The following SRGAP1 variants were observed in gnomAD, a reference collection of about 807,000 sequenced individuals.
The protein encoded by SRGAP1 is SLIT-ROBO Rho GTPase activating protein 1.
In SRGAP1, 43 loss-of-function variants were observed where a neutral mutation model predicts 121.9. That is an observed-to-expected ratio of 0.35 (90% CI 0.28 to 0.46). The LOEUF (loss-of-function observed/expected upper bound fraction) is 0.46. Among genes scored for constraint, SRGAP1 ranks in the 20% least tolerant of loss-of-function variants. SRGAP1 has a pLI of 1.00. For synonymous variants in SRGAP1, 447 were observed against 485.4 expected (o/e 0.92, Z 1.04); for missense variants, 1,102 against 1,350.9 (o/e 0.82, Z 2.89).
chr12:63,943,752 G>T (rs73115817), intron 1 of SRGAP1, among the ~76,000 whole-genome samples: 4,506 of 152,212 alleles, frequency 0.03, 109 homozygotes, highest in Middle Eastern at 0.12. Context: ...GGGCCATGGG[G>T]TATACAGATC....
chr12:64,079,405 G>A (rs1000495357), intron 9 of SRGAP1, among the ~76,000 whole-genome samples: 1 of 151,572 alleles, frequency 6.6e-6, no homozygotes, highest in Non-Finnish European at 1.5e-5. Context: ...GAGGTGGGAG[G>A]ATCATTTGAG....
At chr12:63,945,542 T>C (rs1431177331) in intron 1 of SRGAP1, among the ~76,000 whole-genome samples, 2 of 152,218 alleles carry the variant, frequency 1.3e-5, no homozygotes, top group African/African-American at 2.4e-5. Context: ...GTACTCTTAC[T>C]GCTCCACATC....
In SRGAP1 at chr12:64,087,345, T is replaced by C. The variant is rs569493112; in HGVS notation, c.1436+319T>C. ...TAGCGTGACAGGACTTTTGATTTGATAGTTTAATTAAAAAAAAAATACGAC... is the reference window on the plus strand; with the variant it reads ...TAGCGTGACAGGACTTTTGATTTGACAGTTTAATTAAAAAAAAAATACGAC... On this transcript the variant is annotated intron_variant, in intron 11 of 21. Transcript: ENST00000355086. Among the ~76,000 whole-genome samples the C allele has an allele frequency of 3.3e-5, 5 of 152,204 alleles. No homozygotes were observed. In the South Asian group the frequency reaches 8.3e-4, roughly 25 times the overall value.
chr12:63,894,995 T>C (rs113984810), intron 1 of SRGAP1, among the ~76,000 whole-genome samples: 2 of 152,192 alleles, frequency 1.3e-5, no homozygotes, highest in East Asian at 3.8e-4. Context: ...CTATACCCAG[T>C]GATGGGATGG....
At chr12:63,982,241 A>G (rs1420910717) in intron 1 of SRGAP1, among the ~76,000 whole-genome samples, 1 of 151,750 alleles carries the variant, frequency 6.6e-6, no homozygotes, top group Non-Finnish European at 1.5e-5. Flanking sequence ...AACAAAAAAA[A>G]GAAAGAAAAA....
intron 1 of SRGAP1, among the ~76,000 whole-genome samples, chr12:63,954,997 T>C (rs2032419335): frequency 6.6e-6 from 1 of 152,192 alleles, no homozygotes; most frequent in Non-Finnish European, 1.5e-5. Flanking sequence ...TTTGAAGCCT[T>C]TTAAATTTAT....
rs73313488 is a variant in SRGAP1 at position 63,851,515 on chromosome 12, A to G, written c.67+6632A>G. 4.8e-3 allele frequency among the ~76,000 whole-genome samples: 737 copies of G among 152,200 alleles called. 11 individuals are homozygous for G. The highest frequency in any genetic ancestry group is 0.017 in the African/African-American group (705 of 41,526). Reference sequence around the variant, plus strand: ...GTCACTGATTAGTTGTGTGATCTCTAAGAGTCAATTTCTTCATCTGTAAAA... The same window carrying G: ...GTCACTGATTAGTTGTGTGATCTCTGAGAGTCAATTTCTTCATCTGTAAAA... On this transcript the variant is annotated intron_variant, in intron 1 of 21. Transcript: ENST00000355086.
At chr12:64,024,909 C>G (rs1053181619) in intron 4 of SRGAP1, among the ~76,000 whole-genome samples, 9 of 152,126 alleles carry the variant, frequency 5.9e-5, no homozygotes, top group Non-Finnish European at 1.3e-4. Context: ...TTATCTCCAC[C>G]TGGTCCCGCT....
chr12:64,096,948 G>A (rs1048735390), intron 14 of SRGAP1, among the ~76,000 whole-genome samples: 4 of 152,042 alleles, frequency 2.6e-5, no homozygotes, highest in Non-Finnish European at 4.4e-5. Flanking sequence ...AAAAAAGTGG[G>A]GGTTGGGTAA....
At position 64,147,485 on chromosome 12, in the gene SRGAP1, T is replaced by G. The variant is rs1592364666; in HGVS notation, c.*4813T>G. 4 of 390,410 alleles carry G rather than the reference T, an allele frequency of 1.0e-5. No individual in the cohort carries two copies. The highest frequency in any genetic ancestry group is 4.1e-5 in the African/African-American group (2 of 48,330). The allele number at this position is 390,410 out of a possible 1,614,324, so 24.2% of individuals were successfully genotyped here. ...TCAGTAATGTCCCATCTCACCTCCC[T>G]GTCGGTCCTCAGACTGTCTCGTTTT... On this transcript the variant is annotated 3_prime_UTR_variant, in exon 22 of 22. Coordinates refer to ENST00000355086, the MANE Select transcript of SRGAP1 (RefSeq NM_020762.4).
chr12:64,127,568 T>G (rs762701017), intron 19 of SRGAP1, 22 bp from the exon 20 acceptor site: 1 of 1,577,644 alleles, frequency 6.3e-7, no homozygotes, highest in Non-Finnish European at 8.6e-7. Flanking sequence ...AAATTTTGTC[T>G]CCATTCCTCT....
At chr12:63,913,121 C>T (rs2030583822) in intron 1 of SRGAP1, among the ~76,000 whole-genome samples, 1 of 151,268 alleles carries the variant, frequency 6.6e-6, no homozygotes, top group African/African-American at 2.4e-5. Flanking sequence ...TCCTACCTCC[C>T]ATGTTTTATT....
intron 1 of SRGAP1, among the ~76,000 whole-genome samples, chr12:63,914,852 C>T (rs1190149467): frequency 6.6e-6 from 1 of 151,890 alleles, no homozygotes; most frequent in East Asian, 1.9e-4. Flanking sequence ...TTGAAAAATC[C>T]CAGAAGAGCT....
At position 64,149,546 on chromosome 12, in the gene SRGAP1, A is replaced by T. The variant is rs571380635; in HGVS notation, c.*6874A>T. On this transcript the variant is annotated 3_prime_UTR_variant, in exon 22 of 22. Coordinates refer to ENST00000355086, the MANE Select transcript of SRGAP1 (RefSeq NM_020762.4). ...TTAAGCTCCTCAGCCTGCCACGACC[A>T]TCTCCTGTTGAGAAAATTGCGCCTG... 3.9e-5 allele frequency: 6 copies of T among 152,312 alleles called. No individual in the cohort carries two copies. The highest frequency in any genetic ancestry group is 1.4e-4 in the African/African-American group (6 of 41,432). The allele number at this position is 152,312 out of a possible 1,614,324, so 9.4% of individuals were successfully genotyped here. A position where few individuals can be genotyped will look rare whatever the true frequency, so the allele number is the denominator to read the frequency against.
At chr12:64,033,721 G>GAAAT (rs1451169799) in intron 4 of SRGAP1, among the ~76,000 whole-genome samples, 2 of 151,582 alleles carry the variant, frequency 1.3e-5, no homozygotes, top group African/African-American at 4.9e-5. Context: ...CCATCTAAAT[G>GAAAT]AAATAAATAA....
rs757496315 is a variant in SRGAP1 at position 64,155,647 on chromosome 12, C to G, written c.*12975C>G. The G allele has an allele frequency of 5.9e-5, 9 of 151,782 alleles. No individual in the cohort carries two copies. The highest frequency in any genetic ancestry group is 2.2e-4 in the African/African-American group (9 of 41,326). 9.4% of individuals were successfully genotyped at this position (151,782 alleles called of 1,614,324 possible). On this transcript the variant is annotated 3_prime_UTR_variant, in exon 22 of 22. Transcript: ENST00000355086. ...CTTTGTTTTTTTTGAGACGTAGTCCCGCTCCGTCTCCCAGGCTGGAGTGCA... is the reference window on the plus strand; with the variant it reads ...CTTTGTTTTTTTTGAGACGTAGTCCGGCTCCGTCTCCCAGGCTGGAGTGCA...
At chr12:64,119,563 A>G (rs906101497) in intron 18 of SRGAP1, among the ~76,000 whole-genome samples, 1 of 152,158 alleles carries the variant, frequency 6.6e-6, no homozygotes, top group East Asian at 1.9e-4. Context: ...CTTTCTCTGT[A>G]GAGATTTTTT....
intron 6 of SRGAP1, among the ~76,000 whole-genome samples, chr12:64,054,817 A>G (rs1247228352): frequency 6.6e-6 from 1 of 151,650 alleles, no homozygotes; most frequent in Non-Finnish European, 1.5e-5. Context: ...TACATGTGCC[A>G]TGCTGGTGCA....
At chr12:63,863,787 G>T (rs574066939) in intron 1 of SRGAP1, among the ~76,000 whole-genome samples, 1 of 152,148 alleles carries the variant, frequency 6.6e-6, no homozygotes, top group Non-Finnish European at 1.5e-5. Context: ...AACAATTTGT[G>T]AATTGGGCTG....
Sources: allele counts gnomAD v4.1 joint callset (sites outside exome capture counted in the v4.1 genomes callset), GRCh38; gene constraint gnomAD v4.1.1; transcripts MANE v1.5; gene names NCBI Gene and HGNC (gene_info 2026-07-23, HGNC 2026-07-21).